Variants in CFAP95 observed in about 807,000 individuals in gnomAD.
The protein encoded by CFAP95 is cilia and flagella associated protein 95.
the CFAP95 span, among the ~76,000 whole-genome samples, chr9:69,900,266 A>G: frequency 6.6e-6 from 1 of 152,096 alleles, no homozygotes; most frequent in Non-Finnish European, 1.5e-5. Flanking sequence ...TTCTCTCCTC[A>G]TGACTATTGT....
the CFAP95 span, among the ~76,000 whole-genome samples, chr9:69,868,897 G>A: frequency 9.3e-3 from 1,400 of 150,738 alleles, 16 homozygotes; most frequent in African/African-American, 0.032. Flanking sequence ...TATTTAAAAA[G>A]GTGCTCAACA....
At chr9:69,830,375 A>G in the CFAP95 span, among the ~76,000 whole-genome samples, 1 of 152,164 alleles carries the variant, frequency 6.6e-6, no homozygotes, top group African/African-American at 2.4e-5. Context: ...TGGCAGTCCT[A>G]GAGTTACTGC....
At chr9:69,853,875 A>G in the CFAP95 span, among the ~76,000 whole-genome samples, 3 of 152,164 alleles carry the variant, frequency 2.0e-5, no homozygotes, top group African/African-American at 7.2e-5. Flanking sequence ...CTGCTGGAAA[A>G]CAGTCATTTT....
At chr9:69,870,945 G>A in the CFAP95 span, among the ~76,000 whole-genome samples, 6 of 152,098 alleles carry the variant, frequency 3.9e-5, no homozygotes, top group East Asian at 1.9e-4. Context: ...GAGGCTGGGC[G>A]CAGTGGCTCA....
the CFAP95 span, among the ~76,000 whole-genome samples, chr9:69,878,967 G>A: frequency 6.6e-6 from 1 of 152,188 alleles, no homozygotes; most frequent in African/African-American, 2.4e-5. Flanking sequence ...GGGGGCAGGA[G>A]CTACACACTT....
At chr9:69,846,104 A>G in the CFAP95 span, among the ~76,000 whole-genome samples, 3 of 152,284 alleles carry the variant, frequency 2.0e-5, no homozygotes, top group Admixed American at 6.5e-5. Flanking sequence ...CTTAAAAAAC[A>G]TTTATTTTTG....
At chr9:69,897,948 T>C in the CFAP95 span, among the ~76,000 whole-genome samples, 81 of 152,286 alleles carry the variant, frequency 5.3e-4, no homozygotes, top group Admixed American at 2.2e-3. Flanking sequence ...AAGAATGCTT[T>C]CTTAACCAAT....
chr9:69,906,177 G>T, the CFAP95 span: 6 of 1,452,966 alleles, frequency 4.1e-6, no homozygotes, highest in South Asian at 6.9e-5. Flanking sequence ...AATGAAAAAT[G>T]GATGTAGCAG....
the CFAP95 span, among the ~76,000 whole-genome samples, chr9:69,887,064 A>G: frequency 6.6e-6 from 1 of 152,190 alleles, no homozygotes; most frequent in Non-Finnish European, 1.5e-5. Context: ...TTTTATGGTT[A>G]TGATTTATTT....
chr9:69,844,054 T>C, the CFAP95 span, among the ~76,000 whole-genome samples: 1 of 152,184 alleles, frequency 6.6e-6, no homozygotes, highest in African/African-American at 2.4e-5. Flanking sequence ...CTTTATTGCC[T>C]CTTTAGAAGC....
the CFAP95 span, among the ~76,000 whole-genome samples, chr9:69,861,382 T>C: frequency 6.6e-6 from 1 of 152,198 alleles, no homozygotes; most frequent in African/African-American, 2.4e-5. Flanking sequence ...AAGAGTGGGC[T>C]GATGCCTGTG....
chr9:69,890,646 T>C, the CFAP95 span, among the ~76,000 whole-genome samples: 21 of 152,266 alleles, frequency 1.4e-4, no homozygotes, highest in African/African-American at 5.1e-4. Context: ...GGCCTTGCCA[T>C]GAACACAGTT....
At chr9:69,856,780 T>C in the CFAP95 span, 4 of 615,698 alleles carry the variant, frequency 6.5e-6, no homozygotes, top group South Asian at 1.1e-4. Context: ...AAGGAACATA[T>C]CAAGCACATT....
At chr9:69,878,587 G>A in the CFAP95 span, among the ~76,000 whole-genome samples, 1 of 152,162 alleles carries the variant, frequency 6.6e-6, no homozygotes, top group Non-Finnish European at 1.5e-5. Flanking sequence ...TTGCTTTACT[G>A]TTGACCTGTA....
At chr9:69,861,435 A>G in the CFAP95 span, among the ~76,000 whole-genome samples, 2 of 152,150 alleles carry the variant, frequency 1.3e-5, no homozygotes, top group East Asian at 3.8e-4. Flanking sequence ...ATCAGTATGA[A>G]TACTGCATTA....
chr9:69,900,112 T>G, the CFAP95 span, among the ~76,000 whole-genome samples: 1 of 152,108 alleles, frequency 6.6e-6, no homozygotes, highest in African/African-American at 2.4e-5. Context: ...GAGATGTAAC[T>G]GCATTGCAAA....
the CFAP95 span, chr9:69,902,428 C>G: frequency 2.5e-6 from 1 of 406,906 alleles, no homozygotes; most frequent in African/African-American, 2.1e-5. Flanking sequence ...CTCAAAAATC[C>G]TATTTTGTAT....
chr9:69,856,950 T>C, the CFAP95 span, among the ~76,000 whole-genome samples: 2 of 143,248 alleles, frequency 1.4e-5, no homozygotes, highest in Admixed American at 7.3e-5. Flanking sequence ...TGGCCCAAGG[T>C]TCTGACTATC....
chr9:69,864,634 G>A, the CFAP95 span, among the ~76,000 whole-genome samples: 1 of 152,128 alleles, frequency 6.6e-6, no homozygotes. Context: ...GTTCATTGTT[G>A]GGATGGAGCA....
Sources: allele counts gnomAD v4.1 joint callset (sites outside exome capture counted in the v4.1 genomes callset), GRCh38; gene constraint gnomAD v4.1.1; transcripts MANE v1.5; gene names NCBI Gene and HGNC (gene_info 2026-07-23, HGNC 2026-07-21).